MBNL3: variants seen among roughly 807,000 people sequenced by gnomAD.
MBNL3 encodes muscleblind like splicing regulator 3.
Under a neutral mutation model 24.5 loss-of-function variants are expected in MBNL3, and 6 were observed. The observed-to-expected ratio is 0.25, with a 90% CI of 0.13 to 0.48. The LOEUF (loss-of-function observed/expected upper bound fraction) is 0.48. Among genes scored for constraint, MBNL3 ranks in the 20% least tolerant of loss-of-function variants. The pLI is 0.99. For synonymous variants in MBNL3, 100 were observed against 101.7 expected (o/e 0.98, Z 0.10); for missense variants, 230 against 293.5 (o/e 0.78, Z 1.58).
intron 2 of MBNL3, among the ~76,000 whole-genome samples, chrX:132,408,053 T>C (rs974767869): frequency 2.0e-5 from 2 of 98,992 alleles, no homozygotes; most frequent in Non-Finnish European, 4.0e-5. Flanking sequence ...GGATCTTAAA[T>C]CTCTATCTCT....
intron 2 of MBNL3, chrX:132,430,201 A>C (rs989064979): frequency 4.5e-5 from 5 of 111,217 alleles, no homozygotes; most frequent in Non-Finnish European, 7.5e-5. Flanking sequence ...CAGACTAAAA[A>C]AGCTAACTTT....
chrX:132,410,961 A>T (rs1295410503), intron 2 of MBNL3, among the ~76,000 whole-genome samples: 3 of 112,330 alleles, frequency 2.7e-5, no homozygotes, highest in Non-Finnish European at 5.6e-5. Flanking sequence ...TCTCCTCCAA[A>T]TATTGTATCA....
chrX:132,451,475 A>G (rs948583070), intron 1 of MBNL3, among the ~76,000 whole-genome samples: 1 of 111,575 alleles, frequency 9.0e-6, no homozygotes, highest in African/African-American at 3.3e-5. Context: ...GCTGTGGGGA[A>G]AAACTGCCTA....
intron 2 of MBNL3, among the ~76,000 whole-genome samples, chrX:132,426,180 G>A (rs1162695102): frequency 8.9e-6 from 1 of 112,025 alleles, no homozygotes; most frequent in Non-Finnish European, 1.9e-5. Flanking sequence ...AAGCCCTAAC[G>A]TGTACTAGGC....
At chrX:132,403,483 A>G (rs764945434) in intron 3 of MBNL3, among the ~76,000 whole-genome samples, 1 of 112,110 alleles carries the variant, frequency 8.9e-6, no homozygotes, top group Non-Finnish European at 1.9e-5. Flanking sequence ...GAATCATAGC[A>G]GTCATCTTCC....
At chrX:132,399,848 C>T (rs897039298) in intron 3 of MBNL3, among the ~76,000 whole-genome samples, 3 of 109,508 alleles carry the variant, frequency 2.7e-5, no homozygotes, top group African/African-American at 1.0e-4. Flanking sequence ...AACTCCCAGC[C>T]TTCACCTCAT....
In MBNL3 at chrX:132,379,587, T is replaced by G; in HGVS notation, c.*79A>C. 9.6e-7 allele frequency: 1 copy of G among 1,042,673 alleles called. No individual in the cohort carries two copies. Among genetic ancestry groups the G allele is most frequent in the Non-Finnish European group, 1.3e-6 (1 of 766,389 alleles). The allele number at this position is 1,042,673 out of a possible 1,213,427, so 85.9% of individuals were successfully genotyped here. ...CACGCTTATTGTTGTGTTGGTAGAA[T>G]AAGACATACGAGAATATATATAGAA... On this transcript the variant is annotated 3_prime_UTR_variant, in exon 9 of 9. Coordinates refer to ENST00000370853, the MANE Select transcript of MBNL3 (RefSeq NM_001386889.1).
intron 2 of MBNL3, among the ~76,000 whole-genome samples, chrX:132,437,734 C>T (rs185034497): frequency 8.9e-4 from 100 of 111,744 alleles, no homozygotes; most frequent in Admixed American, 1.6e-3. Flanking sequence ...TGCTTTTCCA[C>T]TTCAAGGCAC....
At chrX:132,443,216 A>G (rs1945480709) in intron 1 of MBNL3, among the ~76,000 whole-genome samples, 1 of 111,999 alleles carries the variant, frequency 8.9e-6, no homozygotes, top group Non-Finnish European at 1.9e-5. Flanking sequence ...AGCATAAGTG[A>G]TAACCCAAAA....
chrX:132,468,980 T>G (rs933930704), intron 1 of MBNL3, among the ~76,000 whole-genome samples: 2 of 112,609 alleles, frequency 1.8e-5, no homozygotes, highest in African/African-American at 6.5e-5. Context: ...ACAAACTATG[T>G]AATTGTACTA....
At chrX:132,385,055 G>A (rs755439208) in intron 6 of MBNL3, among the ~76,000 whole-genome samples, 4 of 110,781 alleles carry the variant, frequency 3.6e-5, no homozygotes, top group African/African-American at 6.5e-5. Flanking sequence ...CCAGAATCTC[G>A]TATCTGGTGT....
intron 1 of MBNL3, among the ~76,000 whole-genome samples, chrX:132,449,221 A>C (rs1945906478): frequency 9.0e-6 from 1 of 111,248 alleles, no homozygotes; most frequent in African/African-American, 3.3e-5. Context: ...GATCTGTCTA[A>C]TATTGACAGT....
At chrX:132,396,067 GA>G (rs1359446821) in intron 3 of MBNL3, among the ~76,000 whole-genome samples, 1 of 109,311 alleles carries the variant, frequency 9.1e-6, no homozygotes, top group Non-Finnish European at 1.9e-5. Context: ...AAAATTATAG[GA>G]AACTCTTATT....
At chrX:132,433,303 G>C (rs977792290) in intron 2 of MBNL3, among the ~76,000 whole-genome samples, 1 of 112,037 alleles carries the variant, frequency 8.9e-6, no homozygotes, top group African/African-American at 3.3e-5. Context: ...GTTATGGCAT[G>C]GTCCATTGTT....
At chrX:132,441,967 A>G (rs1945410349) in intron 1 of MBNL3, among the ~76,000 whole-genome samples, 1 of 109,686 alleles carries the variant, frequency 9.1e-6, no homozygotes, top group Non-Finnish European at 1.9e-5. Flanking sequence ...CCTTGAAAAC[A>G]TTATGTTAAG....
chrX:132,464,855 A>G (rs757418564), intron 1 of MBNL3, among the ~76,000 whole-genome samples: 36 of 111,396 alleles, frequency 3.2e-4, no homozygotes, highest in Non-Finnish European at 6.0e-4. Flanking sequence ...CCTGGCCAAC[A>G]TGGTTAAACC....
At chrX:132,481,254 A>C (rs956570687) in intron 1 of MBNL3, among the ~76,000 whole-genome samples, 1 of 112,175 alleles carries the variant, frequency 8.9e-6, no homozygotes, top group Admixed American at 9.4e-5. Flanking sequence ...GGCAACAAGG[A>C]GGCCTATTAT....
chrX:132,422,383 A>G (rs1289871174), intron 2 of MBNL3, among the ~76,000 whole-genome samples: 1 of 111,993 alleles, frequency 8.9e-6, no homozygotes, highest in African/African-American at 3.2e-5. Flanking sequence ...GTAGCATTCC[A>G]TAAGTTTCTC....
At chrX:132,392,680 C>T (rs993613297) in intron 3 of MBNL3, among the ~76,000 whole-genome samples, 36 of 112,147 alleles carry the variant, frequency 3.2e-4, no homozygotes, top group African/African-American at 1.1e-3. Context: ...TGACATTACA[C>T]ATATGGACAA....
Sources: allele counts gnomAD v4.1 joint callset (sites outside exome capture counted in the v4.1 genomes callset), GRCh38; gene constraint gnomAD v4.1.1; transcripts MANE v1.5; gene names NCBI Gene and HGNC (gene_info 2026-07-23, HGNC 2026-07-21).